MED13L: variants seen among roughly 807,000 people sequenced by gnomAD.
MED13L encodes the protein mediator of RNA polymerase II transcription subunit 13-like.
A neutral mutation model predicts 220.9 loss-of-function variants in MED13L; 7 were observed. The observed-to-expected ratio is 0.03, with a 90% CI of 0.02 to 0.06. MED13L has a LOEUF of 0.06. Among genes scored for constraint, MED13L ranks in the 10% least tolerant of loss-of-function variants. MED13L has a pLI of 1.00. For missense variants in MED13L, 1,965 were observed against 2,760.5 expected, an observed-to-expected ratio of 0.71 and a Z score of 6.46; for synonymous variants, 1,011 against 1,015.2, an observed-to-expected ratio of 1.00 and a Z score of 0.08.
chr12:115,975,387 A>T, intron 24 of MED13L, 74 bp from the exon 25 acceptor site: 2 of 1,609,098 alleles, frequency 1.2e-6, no homozygotes, highest in Non-Finnish European at 1.7e-6. Context: ...TATAAGACAA[A>T]CACTAGAAAT....
chr12:116,161,099 C>T (rs556849108), intron 2 of MED13L, among the ~76,000 whole-genome samples: 5 of 152,226 alleles, frequency 3.3e-5, no homozygotes, highest in Admixed American at 6.5e-5. Context: ...GAGCAAGAGA[C>T]GGTGCACACT....
chr12:116,221,469 C>T (rs893375433), intron 2 of MED13L, among the ~76,000 whole-genome samples: 1 of 151,730 alleles, frequency 6.6e-6, no homozygotes, highest in Admixed American at 6.6e-5. Flanking sequence ...AACTACTTTA[C>T]ACTGCAAGAT....
chr12:116,011,280 A>G (rs1879381003), intron 9 of MED13L, among the ~76,000 whole-genome samples: 2 of 152,190 alleles, frequency 1.3e-5, no homozygotes, highest in South Asian at 4.1e-4. Flanking sequence ...GTGCCTTGGT[A>G]TGCATATGGT....
intron 1 of MED13L, among the ~76,000 whole-genome samples, chr12:116,244,626 T>G (rs1016969423): frequency 2.6e-5 from 4 of 151,964 alleles, no homozygotes; most frequent in African/African-American, 4.8e-5. Context: ...AGAGAGGAGA[T>G]TAAATAAGAA....
intron 2 of MED13L, among the ~76,000 whole-genome samples, chr12:116,139,469 T>C (rs568872087): frequency 1.1e-4 from 16 of 152,278 alleles, no homozygotes; most frequent in African/African-American, 3.6e-4. Context: ...CAGTTCAAAA[T>C]TGAAATGTTT....
Position 116,096,622 on chromosome 12 carries a change from C to T in MED13L, c.479+47G>A, listed in dbSNP as rs375359082. 56 of 1,443,388 alleles carry T rather than the reference C, an allele frequency of 3.9e-5. No homozygotes were observed. In the African/African-American group the frequency reaches 5.9e-4, roughly 15 times the overall value. 89.4% of individuals were successfully genotyped at this position (1,443,388 alleles called of 1,614,324 possible). A position where few individuals can be genotyped will look rare whatever the true frequency, so the allele number is the denominator to read the frequency against. On this transcript the variant is annotated intron_variant, in intron 4 of 30. Coordinates refer to ENST00000281928, the MANE Select transcript of MED13L (RefSeq NM_015335.5). ...TAAATCAATAAGCTGTTCACCCACC[C>T]ACAAGGCCAAAGAAACCAAAAAGCC...
chr12:115,971,044 T>TA (rs1328603999), intron 26 of MED13L, among the ~76,000 whole-genome samples: 1 of 152,238 alleles, frequency 6.6e-6, no homozygotes, highest in African/African-American at 2.4e-5. Context: ...GAAGTATTTC[T>TA]AAAAATAAAC....
intron 2 of MED13L, among the ~76,000 whole-genome samples, chr12:116,121,143 TAC>T (rs1219519996): frequency 3.3e-5 from 5 of 152,324 alleles, no homozygotes; most frequent in African/African-American, 7.2e-5. Context: ...CCTTTTTTAA[TAC>T]AGTTATCCTC....
In MED13L at chr12:115,999,390, C is replaced by CA. The variant is rs1005449097; in HGVS notation, c.2570-2161dup. ...TCGGTGAAAGAGAAAGACTCTGTCT[C>CA]AAAAAAAAAAAAAGTTCATCTACGC... On this transcript the variant is annotated intron_variant, in intron 14 of 30. Transcript: ENST00000281928. Among the ~76,000 whole-genome samples the CA allele has an allele frequency of 4.4e-3, 614 of 138,572 alleles. 5 individuals carry two copies. The highest frequency in any genetic ancestry group is 0.012 in the African/African-American group (448 of 37,784). 90.9% of individuals were successfully genotyped at this position (138,572 alleles called of 152,430 possible).
Position 115,961,300 on chromosome 12 carries a change from G to A in MED13L, c.6599C>T (p.Thr2200Ile), listed in dbSNP as rs1875739560. 1 of 1,614,088 alleles carries A rather than the reference G, an allele frequency of 6.2e-7. No individual in the cohort carries two copies. Among genetic ancestry groups the A allele is most frequent in the Non-Finnish European group, 8.5e-7 (1 of 1,180,040 alleles). ...ATTCATGATGGCATTGTACAACTGA[G>A]TGAGCACCACAAAGTGGACGGGAAG... Reference protein sequence around the residue: ...SCLPVHFVVLTQLYNAIMNIL With the variant: ...SCLPVHFVVLIQLYNAIMNIL The change falls in exon 31 of 31, where the codon ACT (threonine) becomes ATT (isoleucine). Residue 2200 changes from threonine to isoleucine, a missense_variant. Thr to Ile is a moderately conservative substitution (Grantham distance 89). This residue lies in a region of MED13L where 145 missense variants were observed against 328.3 expected (regional missense o/e 0.44). Coordinates refer to ENST00000281928, the MANE Select transcript of MED13L (RefSeq NM_015335.5).
At chr12:115,986,227 C>A (rs765917701) in intron 19 of MED13L, 39 bp downstream of exon 19, 8 of 1,552,518 alleles carry the variant, frequency 5.2e-6, no homozygotes, top group Admixed American at 1.7e-5. Context: ...ATCAGAGGAT[C>A]CAAGTCATAA....
chr12:116,125,914 C>G (rs1875548831), intron 2 of MED13L, among the ~76,000 whole-genome samples: 1 of 152,168 alleles, frequency 6.6e-6, no homozygotes, highest in African/African-American at 2.4e-5. Flanking sequence ...TTATCTGGCT[C>G]TTAATAGAAT....
chr12:116,026,428 A>G (rs1344261083), intron 4 of MED13L, among the ~76,000 whole-genome samples: 1 of 152,230 alleles, frequency 6.6e-6, no homozygotes, highest in East Asian at 1.9e-4. Context: ...TAGTGGAAAT[A>G]TAACAGAAGC....
chr12:116,116,566 G>A (rs74485272), intron 2 of MED13L, among the ~76,000 whole-genome samples: 1,841 of 152,102 alleles, frequency 0.012, 24 homozygotes, highest in Non-Finnish European at 0.022. Context: ...AGCCATTCTA[G>A]CAAATTAACA....
At chr12:116,242,612 CATT>C (rs988083789) in intron 1 of MED13L, among the ~76,000 whole-genome samples, 9 of 152,100 alleles carry the variant, frequency 5.9e-5, no homozygotes, top group African/African-American at 2.2e-4. Context: ...CCACCAACAT[CATT>C]ATTTACCAAG....
At chr12:116,031,756 A>AAAAGAAAAGAAAAG (rs1566020902) in intron 4 of MED13L, among the ~76,000 whole-genome samples, 9 of 21,800 alleles carry the variant, frequency 4.1e-4, no homozygotes, top group South Asian at 1.8e-3. Context: ...AAAAGAAAAG[A>AAAAGAAAAGAAAAG]AAAGAAGGAA....
intron 3 of MED13L, among the ~76,000 whole-genome samples, chr12:116,105,576 A>G (rs998089249): frequency 1.3e-4 from 20 of 152,266 alleles, no homozygotes; most frequent in African/African-American, 3.8e-4. Context: ...AATGTACCAG[A>G]AGAAGCCAAT....
At chr12:115,989,434 A>C (rs1877911013) in intron 17 of MED13L, among the ~76,000 whole-genome samples, 2 of 151,670 alleles carry the variant, frequency 1.3e-5, no homozygotes, top group Non-Finnish European at 2.9e-5. Flanking sequence ...TGCCTCACCT[A>C]TACCCGTCAG....
chr12:116,254,761 G>A (rs533837677), intron 1 of MED13L, among the ~76,000 whole-genome samples: 1 of 151,274 alleles, frequency 6.6e-6, no homozygotes, highest in Non-Finnish European at 1.5e-5. Context: ...GTGTCCAAAG[G>A]GGGTGGGGGG....
Sources: allele counts gnomAD v4.1 joint callset (sites outside exome capture counted in the v4.1 genomes callset), GRCh38; gene constraint gnomAD v4.1.1; regional missense constraint gnomAD v4.1.1; transcripts MANE v1.5; gene names NCBI Gene and HGNC (gene_info 2026-07-23, HGNC 2026-07-21).